The following NSL1 variants were observed in gnomAD, a reference collection of about 807,000 sequenced individuals.
NSL1 encodes the protein NSL1 component of MIS12 kinetochore complex.
Under a neutral mutation model 25.4 loss-of-function variants are expected in NSL1, and 11 were observed. That is an observed-to-expected ratio of 0.43 (90% CI 0.27 to 0.72). The LOEUF (loss-of-function observed/expected upper bound fraction) is 0.72. NSL1 is among the 30% of genes least tolerant of loss of function. The pLI is 0.19. For synonymous variants in NSL1, 118 were observed against 120.6 expected (o/e 0.98, Z 0.14); for missense variants, 330 against 342.7 (o/e 0.96, Z 0.29).
At chr1:212,765,762 A>G (rs930727420) in intron 4 of NSL1, among the ~76,000 whole-genome samples, 2 of 151,838 alleles carry the variant, frequency 1.3e-5, no homozygotes, top group Non-Finnish European at 2.9e-5. Context: ...GCCAGATCGC[A>G]CCACTGCATT....
chr1:212,771,307 T>C (rs1046193971), intron 4 of NSL1, among the ~76,000 whole-genome samples: 19 of 151,584 alleles, frequency 1.3e-4, no homozygotes, highest in African/African-American at 4.4e-4. Flanking sequence ...AGTGCAAAAC[T>C]CCATCTCAAA....
chr1:212,756,823 AAAAAG>A (rs942626711), intron 4 of NSL1, among the ~76,000 whole-genome samples: 1 of 152,220 alleles, frequency 6.6e-6, no homozygotes. Context: ...CCGTCTCAAA[AAAAAG>A]AAAAGAAAAG....
At chr1:212,738,832 A>C (rs1658361029) in intron 5 of NSL1, 146 bp from the exon 6 acceptor site, 1 of 642,806 alleles carries the variant, frequency 1.6e-6, no homozygotes, top group Admixed American at 3.0e-5. Flanking sequence ...GTGTGATCTC[A>C]GCTCACTGCA....
intron 4 of NSL1, among the ~76,000 whole-genome samples, chr1:212,756,268 C>T (rs554905066): frequency 6.6e-6 from 1 of 152,172 alleles, no homozygotes; most frequent in East Asian, 1.9e-4. Context: ...TACAGGCATG[C>T]ACCACCATGC....
At chr1:212,769,849 T>A (rs1256365653) in intron 4 of NSL1, among the ~76,000 whole-genome samples, 2 of 152,060 alleles carry the variant, frequency 1.3e-5, no homozygotes, top group Non-Finnish European at 1.5e-5. Flanking sequence ...CCCTTACATA[T>A]CAATAATAAT....
At chr1:212,754,643 G>A (rs1232995244) in intron 4 of NSL1, among the ~76,000 whole-genome samples, 2 of 151,820 alleles carry the variant, frequency 1.3e-5, no homozygotes, top group Admixed American at 6.6e-5. Context: ...CGGGCGTGGT[G>A]GTGGGCACCT....
intron 2 of NSL1, among the ~76,000 whole-genome samples, chr1:212,786,795 A>G (rs12145131): frequency 0.23 from 34,518 of 151,968 alleles, 4,639 homozygotes; most frequent in African/African-American, 0.38. Context: ...GTAAGAGTGA[A>G]ACTCTGTCTA....
At chr1:212,753,232 T>C (rs1558046391) in intron 4 of NSL1, among the ~76,000 whole-genome samples, 1 of 152,208 alleles carries the variant, frequency 6.6e-6, no homozygotes, top group Non-Finnish European at 1.5e-5. Flanking sequence ...TAAGGCACAC[T>C]TTCAAACTCC....
intron 4 of NSL1, among the ~76,000 whole-genome samples, chr1:212,780,262 G>A (rs1374912127): frequency 6.6e-6 from 1 of 152,074 alleles, no homozygotes; most frequent in East Asian, 1.9e-4. Flanking sequence ...AATGGATTAA[G>A]GGTGGTGCAA....
At position 212,729,571 on chromosome 1, in the gene NSL1, CCCT is replaced by C. The variant is rs1220757384; in HGVS notation, c.*8834_*8836del. On this transcript the variant is annotated 3_prime_UTR_variant, in exon 6 of 6. Transcript: ENST00000366977. ...TTTTTATTATTCTGCCAGTGTCATC[CCCT>C]CATTTCTACACTTCCTCAGGATCAG... The C allele has an allele frequency of 4.1e-6, 4 of 985,206 alleles. No individual in the cohort carries two copies. Among genetic ancestry groups the C allele is most frequent in the Non-Finnish European group, 4.8e-6 (4 of 829,936 alleles). 61.0% of individuals were successfully genotyped at this position (985,206 alleles called of 1,614,324 possible).
intron 4 of NSL1, among the ~76,000 whole-genome samples, chr1:212,757,285 CA>C (rs1338007497): frequency 3.3e-5 from 5 of 151,974 alleles, no homozygotes; most frequent in African/African-American, 4.8e-5. Flanking sequence ...CCTCTTAGAC[CA>C]AAGGAATTAT....
intron 4 of NSL1, among the ~76,000 whole-genome samples, chr1:212,779,977 C>T (rs1178248125): frequency 6.6e-6 from 1 of 151,960 alleles, no homozygotes; most frequent in Admixed American, 6.5e-5. Context: ...GCCCCTCTGC[C>T]CGGCCGCCAC....
Position 212,749,339 on chromosome 1 carries a change from G to GTTTTTTTTTTTTTTTT in NSL1, c.500-9754_500-9739dup, listed in dbSNP as rs10717383. On this transcript the variant is annotated intron_variant, in intron 4 of 5. Transcript: ENST00000366977. ...CTTAAGGGATTTTGCGTTTTATTGT[G>GTTTTTTTTTTTTTTTT]TTTTTTTTTTTTTTTTTTTTTTTGA... Among the ~76,000 whole-genome samples, 27 of 76,948 alleles carry GTTTTTTTTTTTTTTTT rather than the reference G, an allele frequency of 3.5e-4. 1 individual carries two copies. The highest frequency in any genetic ancestry group is 7.1e-4 in the Admixed American group (4 of 5,604). 50.5% of individuals were successfully genotyped at this position (76,948 alleles called of 152,430 possible).
chr1:212,751,514 A>C (rs566652934), intron 4 of NSL1, among the ~76,000 whole-genome samples: 1 of 152,364 alleles, frequency 6.6e-6, no homozygotes, highest in East Asian at 1.9e-4. Context: ...TAAGTTAACT[A>C]ATGGTAAAAA....
chr1:212,791,514 C>A lies in NSL1; in HGVS notation c.234+16G>T. 6.2e-7 allele frequency: 1 copy of A among 1,604,744 alleles called. No homozygotes were observed. The highest frequency in any genetic ancestry group is 8.5e-7 in the Non-Finnish European group (1 of 1,173,074). The stretch of plus-strand genomic sequence containing the variant: ...AAGAGGATGATGAGTAAAGAACTGG[C>A]TAACTGGTCCCGTACCCACTGCGCA... On this transcript the variant is annotated intron_variant, in intron 1 of 5. Transcript: ENST00000366977.
chr1:212,757,876 A>G (rs1398658566), intron 4 of NSL1, among the ~76,000 whole-genome samples: 1 of 152,230 alleles, frequency 6.6e-6, no homozygotes, highest in African/African-American at 2.4e-5. Flanking sequence ...GGTGACATGG[A>G]TAAGAGCAGG....
chr1:212,786,100 C>T (rs911399729), intron 2 of NSL1, among the ~76,000 whole-genome samples: 17 of 143,904 alleles, frequency 1.2e-4, no homozygotes, highest in Admixed American at 6.3e-4. Flanking sequence ...CTTTTCTTTC[C>T]TTTCCTCCCT....
chr1:212,767,471 A>G (rs928884185), intron 4 of NSL1, among the ~76,000 whole-genome samples: 10 of 152,246 alleles, frequency 6.6e-5, no homozygotes, highest in Non-Finnish European at 1.5e-4. Flanking sequence ...AAAATTCTAG[A>G]AGATAACATC....
chr1:212,757,030 C>T (rs1282928722), intron 4 of NSL1, among the ~76,000 whole-genome samples: 1 of 152,148 alleles, frequency 6.6e-6, no homozygotes, highest in East Asian at 1.9e-4. Flanking sequence ...TAAGGTGTAT[C>T]AGATGAAGTG....
Sources: allele counts gnomAD v4.1 joint callset (sites outside exome capture counted in the v4.1 genomes callset), GRCh38; gene constraint gnomAD v4.1.1; transcripts MANE v1.5; gene names NCBI Gene and HGNC (gene_info 2026-07-23, HGNC 2026-07-21).